Variants in STXBP5 observed in about 807,000 individuals in gnomAD.
STXBP5 encodes the protein syntaxin-binding protein 5.
Under a neutral mutation model 152.4 loss-of-function variants are expected in STXBP5, and 50 were observed. The observed-to-expected ratio is 0.33, with a 90% CI of 0.26 to 0.42. The LOEUF (loss-of-function observed/expected upper bound fraction) is 0.42. Ranked by LOEUF, STXBP5 falls within the 10% of genes least tolerant of loss-of-function variation. The probability of loss-of-function intolerance (pLI) is 1.00; values close to 1 mark genes in which losing one functional copy is unlikely to be tolerated. For missense variants in STXBP5, 1,167 were observed against 1,388.6 expected, an observed-to-expected ratio of 0.84 and a Z score of 2.54; for synonymous variants, 492 against 494.7, an observed-to-expected ratio of 0.99 and a Z score of 0.07.
Position 147,387,227 on chromosome 6 carries a change from G to A in STXBP5, c.*2472G>A, listed in dbSNP as rs1344491392. On this transcript the variant is annotated 3_prime_UTR_variant, in exon 28 of 28. Coordinates refer to ENST00000321680, the MANE Select transcript of STXBP5 (RefSeq NM_001127715.4). ...TAATAACTAACCCAGGGAATTTACT[G>A]TAATTTGAGAGGTAACATCTCTATT... 2 of 151,572 alleles carry A rather than the reference G, an allele frequency of 1.3e-5. No homozygotes were observed. The highest frequency in any genetic ancestry group is 3.0e-5 in the Non-Finnish European group (2 of 67,656). 9.4% of individuals were successfully genotyped at this position (151,572 alleles called of 1,614,324 possible).
At chr6:147,243,036 G>A (rs960918699) in intron 4 of STXBP5, among the ~76,000 whole-genome samples, 1 of 152,106 alleles carries the variant, frequency 6.6e-6, no homozygotes, top group Admixed American at 6.6e-5. Context: ...TGGCCATTAT[G>A]AATAAAGCTG....
At chr6:147,364,264 T>G in intron 25 of STXBP5, 98 bp downstream of exon 25, 4 of 1,097,892 alleles carry the variant, frequency 3.6e-6, no homozygotes, top group Non-Finnish European at 5.0e-6. Flanking sequence ...ACTATACAAG[T>G]GAGCCTGCTT....
intron 8 of STXBP5, among the ~76,000 whole-genome samples, chr6:147,282,024 C>A (rs1780726445): frequency 6.6e-6 from 1 of 152,118 alleles, no homozygotes; most frequent in Non-Finnish European, 1.5e-5. Flanking sequence ...ATTGGTTCTA[C>A]TGTGTGATAG....
intron 25 of STXBP5, among the ~76,000 whole-genome samples, chr6:147,372,809 CTT>C (rs990816215): frequency 1.3e-5 from 2 of 152,012 alleles, no homozygotes; most frequent in African/African-American, 4.8e-5. Context: ...TGTCAGCAGT[CTT>C]TTCTCCTTTT....
intron 9 of STXBP5, among the ~76,000 whole-genome samples, chr6:147,306,478 ATC>A (rs2128366727): frequency 6.6e-6 from 1 of 152,356 alleles, no homozygotes; most frequent in African/African-American, 2.4e-5. Context: ...GGAAAAGTAC[ATC>A]TGTCAATGAA....
intron 8 of STXBP5, 21 bp downstream of exon 8, chr6:147,278,225 A>G (rs372927104): frequency 1.3e-6 from 2 of 1,582,552 alleles, no homozygotes; most frequent in Non-Finnish European, 1.7e-6. Context: ...ATCAATTTTA[A>G]ATACCACCTA....
chr6:147,329,714 CT>C (rs1783465663), intron 18 of STXBP5, among the ~76,000 whole-genome samples: 1 of 149,788 alleles, frequency 6.7e-6, no homozygotes, highest in African/African-American at 2.5e-5. Context: ...CAAGCTCCGC[CT>C]CCCGGGTTCA....
rs567898391 is a variant in STXBP5 at position 147,281,119 on chromosome 6, C to T, written c.838+2915C>T. On this transcript the variant is annotated intron_variant, in intron 8 of 27. Coordinates refer to ENST00000321680, the MANE Select transcript of STXBP5 (RefSeq NM_001127715.4). ...ATGGCAAAGCTGGAGTACAATGGCG[C>T]GATGTTGGCACACTGCAACCTCTGC... Among the ~76,000 whole-genome samples the T allele has an allele frequency of 9.9e-5, 15 of 152,208 alleles. No homozygotes were observed. The South Asian group carries it at 1.2e-3, about 13-fold the overall frequency.
chr6:147,219,783 G>A (rs1777361953), intron 2 of STXBP5, among the ~76,000 whole-genome samples: 1 of 143,486 alleles, frequency 7.0e-6, no homozygotes, highest in African/African-American at 2.6e-5. Context: ...TTTTTCCTTA[G>A]CATGGCTAGA....
rs1030247842 is a variant in STXBP5 at position 147,269,440 on chromosome 6, C to T, written c.714+2273C>T. Among the ~76,000 whole-genome samples, 16 of 151,588 alleles carry T rather than the reference C, an allele frequency of 1.1e-4. 1 individual carries two copies. Among genetic ancestry groups the T allele is most frequent in the South Asian group, 6.2e-4 (3 of 4,806 alleles). On this transcript the variant is annotated intron_variant, in intron 7 of 27. Transcript: ENST00000321680. ...ATTTAGAAGAATATGAATAGTAGCCCGATATAAATTTTACAATGTCTAGCA... is the reference window on the plus strand; with the variant it reads ...ATTTAGAAGAATATGAATAGTAGCCTGATATAAATTTTACAATGTCTAGCA...
At chr6:147,365,621 C>A (rs1334229235) in intron 25 of STXBP5, among the ~76,000 whole-genome samples, 1 of 152,068 alleles carries the variant, frequency 6.6e-6, no homozygotes, top group Non-Finnish European at 1.5e-5. Context: ...CTTCATCATA[C>A]AGAGATAAAC....
intron 2 of STXBP5, among the ~76,000 whole-genome samples, chr6:147,207,014 A>G (rs1419779144): frequency 6.6e-6 from 1 of 152,016 alleles, no homozygotes; most frequent in Non-Finnish European, 1.5e-5. Context: ...AAAAATCACT[A>G]GATGATTTCA....
chr6:147,257,752 TAGTTG>T (rs1245074419), intron 4 of STXBP5, among the ~76,000 whole-genome samples: 2 of 152,198 alleles, frequency 1.3e-5, no homozygotes, highest in Non-Finnish European at 2.9e-5. Flanking sequence ...AGCTTTATTT[TAGTTG>T]AGTTTATTTT....
intron 5 of STXBP5, among the ~76,000 whole-genome samples, chr6:147,261,532 G>A (rs914186727): frequency 6.6e-6 from 1 of 152,010 alleles, no homozygotes; most frequent in Non-Finnish European, 1.5e-5. Context: ...TTGAGATAAG[G>A]ATAATTCTGT....
intron 18 of STXBP5, among the ~76,000 whole-genome samples, chr6:147,332,967 G>T (rs186274770): frequency 2.2e-3 from 330 of 152,128 alleles, no homozygotes; most frequent in African/African-American, 7.3e-3. Context: ...ATAATCTTTA[G>T]TAGCAGTTGA....
chr6:147,273,876 C>T (rs752514896), intron 7 of STXBP5, among the ~76,000 whole-genome samples: 19 of 150,874 alleles, frequency 1.3e-4, no homozygotes, highest in African/African-American at 3.2e-4. Context: ...GGCATGAACC[C>T]GGGAGGCAGA....
At chr6:147,352,479 C>A (rs1194651597) in intron 21 of STXBP5, among the ~76,000 whole-genome samples, 7 of 152,178 alleles carry the variant, frequency 4.6e-5, no homozygotes, top group African/African-American at 1.7e-4. Context: ...GCAGTGGTGG[C>A]TTGCACGTGT....
At chr6:147,320,457 G>A (rs1782869150) in intron 16 of STXBP5, among the ~76,000 whole-genome samples, 1 of 152,060 alleles carries the variant, frequency 6.6e-6, no homozygotes, top group Non-Finnish European at 1.5e-5. Flanking sequence ...TACCATTCCT[G>A]GGATAGAGTT....
In STXBP5 at chr6:147,364,203, G is replaced by A. The variant is rs535297086; in HGVS notation, c.3081+37G>A. The A allele has an allele frequency of 3.9e-5, 62 of 1,572,006 alleles. No homozygotes were observed. In the South Asian group the frequency reaches 6.4e-4, roughly 16 times the overall value. Reference sequence around the variant, plus strand: ...AAATATTACTGTAATTTCTTCAGAGGTAAAGTATTCTCTGAGGGCCCGTAT... The same window carrying A: ...AAATATTACTGTAATTTCTTCAGAGATAAAGTATTCTCTGAGGGCCCGTAT... On this transcript the variant is annotated intron_variant, in intron 25 of 27. Coordinates refer to ENST00000321680, the MANE Select transcript of STXBP5 (RefSeq NM_001127715.4).
Sources: allele counts gnomAD v4.1 joint callset (sites outside exome capture counted in the v4.1 genomes callset), GRCh38; gene constraint gnomAD v4.1.1; transcripts MANE v1.5; gene names NCBI Gene and HGNC (gene_info 2026-07-23, HGNC 2026-07-21).